The following FNIP1 variants were observed in gnomAD, a reference collection of about 807,000 sequenced individuals.
FNIP1 encodes the protein folliculin interacting protein 1, also known as folliculin-interacting protein 1.
FNIP1 carries 40 observed loss-of-function variants against 124.5 expected under a neutral mutation model. The observed-to-expected ratio is 0.32, with a 90% CI of 0.25 to 0.42. The LOEUF (loss-of-function observed/expected upper bound fraction) is 0.42, where lower values mean the gene tolerates loss of function less well. Among genes scored for constraint, FNIP1 ranks in the 10% least tolerant of loss-of-function variants. The pLI, the probability that FNIP1 is intolerant of heterozygous loss-of-function variation, is 1.00. For synonymous variants in FNIP1, 472 were observed against 470.6 expected (o/e 1.00, Z -0.04); for missense variants, 1,176 against 1,403.7 (o/e 0.84, Z 2.59).
chr5:131,789,848 C>T (rs754977959), intron 1 of FNIP1, among the ~76,000 whole-genome samples: 7 of 151,224 alleles, frequency 4.6e-5, no homozygotes, highest in African/African-American at 9.7e-5. Flanking sequence ...CGAAGCCCTC[C>T]GTCCTTTCCA....
intron 1 of FNIP1, among the ~76,000 whole-genome samples, chr5:131,748,136 T>C (rs13167908): frequency 0.64 from 97,193 of 151,736 alleles, 33,033 homozygotes; most frequent in Non-Finnish European, 0.77. Context: ...AAAAAGAGAA[T>C]AGCAGTTGTT....
At chr5:131,739,796 G>A (rs990149158) in intron 2 of FNIP1, among the ~76,000 whole-genome samples, 2 of 126,672 alleles carry the variant, frequency 1.6e-5, no homozygotes, top group Non-Finnish European at 1.6e-5. Flanking sequence ...CTGGGTGACA[G>A]AGTGAGACTC....
chr5:131,684,866 T>C (rs1768218550), intron 11 of FNIP1, among the ~76,000 whole-genome samples: 1 of 152,168 alleles, frequency 6.6e-6, no homozygotes, highest in Non-Finnish European at 1.5e-5. Flanking sequence ...TCCAATAGTA[T>C]AATTAACTGC....
chr5:131,653,496 G>C (rs1767102851), intron 15 of FNIP1, among the ~76,000 whole-genome samples: 1 of 151,408 alleles, frequency 6.6e-6, no homozygotes, highest in Admixed American at 6.6e-5. Flanking sequence ...CTGAGATCGT[G>C]CCATTGCACT....
chr5:131,796,803 C>G, intron 1 of FNIP1, 27 bp downstream of exon 1: 1 of 1,554,188 alleles, frequency 6.4e-7, no homozygotes, highest in Non-Finnish European at 8.7e-7. Flanking sequence ...CCATCGGCTC[C>G]GCGACCCCCG....
chr5:131,709,383 T>C, intron 7 of FNIP1, 111 bp from the exon 8 acceptor site: 1 of 862,908 alleles, frequency 1.2e-6, no homozygotes, highest in Non-Finnish European at 1.9e-6. Flanking sequence ...CATTCCCTTA[T>C]TTTTTTCAAT....
chr5:131,678,469 G>A (rs1026982855), intron 12 of FNIP1, among the ~76,000 whole-genome samples: 1 of 152,074 alleles, frequency 6.6e-6, no homozygotes, highest in Non-Finnish European at 1.5e-5. Context: ...GTGCAGTGGC[G>A]CAATCTCCAC....
intron 2 of FNIP1, among the ~76,000 whole-genome samples, chr5:131,734,872 T>C (rs991141475): frequency 2.6e-5 from 4 of 152,210 alleles, no homozygotes; most frequent in African/African-American, 9.6e-5. Flanking sequence ...GACTGTAAAC[T>C]AGTTCAACCA....
rs187814850 is a variant in FNIP1, at chr5:131,678,403, A to C, written c.1350-531T>G. ...CATTAGAATCCTACCATTTCCTTAT[A>C]TGTTTTTTTTGTTTGTTTGTTTGAG... On this transcript the variant is annotated intron_variant, in intron 12 of 17. Transcript: ENST00000510461. 5.3e-5 allele frequency among the ~76,000 whole-genome samples: 8 copies of C among 152,164 alleles called. No homozygotes were observed. The East Asian group carries it at 1.4e-3, about 26-fold the overall frequency.
chr5:131,796,989 C>T lies in FNIP1; in HGVS notation c.-68G>A, dbSNP rs990687651. The stretch of plus-strand genomic sequence containing the variant: ...TAGGCCCCTGCTCCTACAGCCGCCC[C>T]GCCACCCCCATGGGCGCCTCAGTCA... On this transcript the variant is annotated 5_prime_UTR_variant, in exon 1 of 18. Transcript: ENST00000510461. The T allele has an allele frequency of 7.8e-6, 11 of 1,404,896 alleles. No individual in the cohort carries two copies. Among genetic ancestry groups the T allele is most frequent in the Middle Eastern group, 1.8e-4 (1 of 5,600 alleles). 87.0% of individuals were successfully genotyped at this position (1,404,896 alleles called of 1,614,324 possible).
intron 1 of FNIP1, among the ~76,000 whole-genome samples, chr5:131,764,910 A>G (rs1015881634): frequency 6.6e-6 from 1 of 152,264 alleles, no homozygotes; most frequent in African/African-American, 2.4e-5. Flanking sequence ...AAAGGTAAGT[A>G]GAAGCATGCT....
intron 1 of FNIP1, among the ~76,000 whole-genome samples, chr5:131,787,286 A>C (rs920623208): frequency 3.9e-5 from 6 of 152,366 alleles, no homozygotes; most frequent in Middle Eastern, 3.4e-3. Flanking sequence ...ATGAGATAAC[A>C]GATCAAGAGG....
chr5:131,724,539 C>A (rs915263449), intron 3 of FNIP1, among the ~76,000 whole-genome samples: 1 of 152,076 alleles, frequency 6.6e-6, no homozygotes, highest in Non-Finnish European at 1.5e-5. Flanking sequence ...TATCCTTCAC[C>A]TACTTTTTGA....
At chr5:131,744,067 C>CAGGG (rs1474908398) in intron 2 of FNIP1, among the ~76,000 whole-genome samples, 4 of 151,812 alleles carry the variant, frequency 2.6e-5, no homozygotes, top group Non-Finnish European at 5.9e-5. Context: ...TGGATTCTTA[C>CAGGG]AGGGCTGTTT....
chr5:131,767,443 A>G (rs868501293), intron 1 of FNIP1, among the ~76,000 whole-genome samples: 72 of 139,406 alleles, frequency 5.2e-4, no homozygotes, highest in African/African-American at 2.1e-3. Context: ...AAAAAAAAAA[A>G]AAAAAAAAAA....
chr5:131,708,445 AC>A (rs1185726315), intron 8 of FNIP1, among the ~76,000 whole-genome samples: 2 of 152,132 alleles, frequency 1.3e-5, no homozygotes, highest in Non-Finnish European at 2.9e-5. Context: ...CCCAACAAAC[AC>A]TTTTCCTTTT....
At chr5:131,779,557 G>A (rs1346571099) in intron 1 of FNIP1, among the ~76,000 whole-genome samples, 9 of 151,516 alleles carry the variant, frequency 5.9e-5, no homozygotes, top group Middle Eastern at 3.4e-3. Flanking sequence ...GCATGGCGGC[G>A]TGCGCCTGTA....
At chr5:131,657,637 A>G (rs1248807174) in intron 15 of FNIP1, among the ~76,000 whole-genome samples, 1 of 151,954 alleles carries the variant, frequency 6.6e-6, no homozygotes, top group African/African-American at 2.4e-5. Context: ...CAAGCCTGAA[A>G]CAATAACTTC....
intron 3 of FNIP1, among the ~76,000 whole-genome samples, chr5:131,730,214 T>G (rs937271031): frequency 1.3e-5 from 2 of 152,208 alleles, no homozygotes; most frequent in Non-Finnish European, 1.5e-5. Flanking sequence ...AAGTGGAGTT[T>G]AGTAATTTCA....
Sources: allele counts gnomAD v4.1 joint callset (sites outside exome capture counted in the v4.1 genomes callset), GRCh38; gene constraint gnomAD v4.1.1; transcripts MANE v1.5; gene names NCBI Gene and HGNC (gene_info 2026-07-23, HGNC 2026-07-21).